Variants in CALN1 observed in about 807,000 individuals in gnomAD.
CALN1 encodes calcium-binding protein 8.
In CALN1, 17 loss-of-function variants were observed where a neutral mutation model predicts 30.6. The ratio of observed to expected loss-of-function variants is 0.56; its 90% CI spans 0.38 to 0.83. The LOEUF (loss-of-function observed/expected upper bound fraction) is 0.83, where lower values mean the gene tolerates loss of function less well. CALN1 is among the 40% of genes least tolerant of loss of function. The pLI is 0.00. For synonymous variants in CALN1, 156 were observed against 131.4 expected (o/e 1.19, Z -1.28); for missense variants, 291 against 354.9 (o/e 0.82, Z 1.45).
intron 2 of CALN1, among the ~76,000 whole-genome samples, chr7:72,299,685 TTATC>T (rs1208016639): frequency 6.6e-5 from 9 of 136,844 alleles, no homozygotes; most frequent in South Asian, 2.4e-4. Context: ...AAAGATGCTC[TTATC>T]TTTTTTTTTT....
intron 4 of CALN1, among the ~76,000 whole-genome samples, chr7:72,049,288 A>T (rs1273426673): frequency 6.6e-6 from 1 of 152,166 alleles, no homozygotes; most frequent in Non-Finnish European, 1.5e-5. Context: ...GAAACACAGA[A>T]ATTGGAGACT....
rs1199286367 is a variant in CALN1, at chr7:72,209,190, TTCCTTCCC to T, written c.244+69488_244+69495del. Among the ~76,000 whole-genome samples, 382 of 90,942 alleles carry T rather than the reference TTCCTTCCC, an allele frequency of 4.2e-3. 1 individual carries two copies. The highest frequency in any genetic ancestry group is 0.022 in the Middle Eastern group (4 of 184). 59.7% of individuals were successfully genotyped at this position (90,942 alleles called of 152,430 possible). ...ACTTCTTCCTTCCCTCCTTCCCTCT[TTCCTTCCC>T]TCCTTCCCTCCTTCCTTCCCTCCTT... is the stretch of plus-strand genomic sequence containing the variant. On this transcript the variant is annotated intron_variant, in intron 3 of 6. Transcript: ENST00000395275.
At chr7:72,179,473 A>G (rs1250405387) in intron 3 of CALN1, among the ~76,000 whole-genome samples, 2 of 152,178 alleles carry the variant, frequency 1.3e-5, no homozygotes, top group Admixed American at 1.3e-4. Context: ...AAAACCAGCA[A>G]GTTTTCTCTA....
rs375314989 is a variant in CALN1 at position 72,205,542 on chromosome 7, C to CAAAAAA, written c.244+73138_244+73143dup. On this transcript the variant is annotated intron_variant, in intron 3 of 6. Coordinates refer to ENST00000395275, the MANE Select transcript of CALN1 (RefSeq NM_031468.4). ...GTCAGAAGTATTTTTCTCCTGATTG[C>CAAAAAA]AAAAAAAAAATATATATATATATAT... Among the ~76,000 whole-genome samples, 117 of 53,098 alleles carry CAAAAAA rather than the reference C, an allele frequency of 2.2e-3. 4 individuals are homozygous for CAAAAAA. Among genetic ancestry groups the CAAAAAA allele is most frequent in the African/African-American group, 0.011 (110 of 9,816 alleles). The allele number at this position is 53,098 out of a possible 152,430, so 34.8% of individuals were successfully genotyped here.
intron 2 of CALN1, among the ~76,000 whole-genome samples, chr7:72,394,684 C>T (rs1297414902): frequency 7.1e-6 from 1 of 140,406 alleles, no homozygotes; most frequent in African/African-American, 2.7e-5. Context: ...TTTTTTGAGA[C>T]ACAGTCTCAC....
At chr7:72,236,729 G>A (rs868054650) in intron 3 of CALN1, among the ~76,000 whole-genome samples, 36 of 152,184 alleles carry the variant, frequency 2.4e-4, no homozygotes, top group African/African-American at 8.2e-4. Flanking sequence ...TTGGGAGGAG[G>A]AAATAAATGT....
chr7:71,810,200 C>A, intron 6 of CALN1, 136 bp downstream of exon 6: 1 of 849,072 alleles, frequency 1.2e-6, no homozygotes, highest in East Asian at 2.7e-5. Context: ...GATCTTTAAC[C>A]TCAGTCCTGG....
At chr7:72,251,204 T>A (rs1795530555) in intron 3 of CALN1, among the ~76,000 whole-genome samples, 1 of 152,140 alleles carries the variant, frequency 6.6e-6, no homozygotes, top group Non-Finnish European at 1.5e-5. Context: ...ACCTCTCACC[T>A]TCCACTCTGG....
At chr7:72,146,215 A>G (rs1786703887) in intron 3 of CALN1, among the ~76,000 whole-genome samples, 1 of 152,218 alleles carries the variant, frequency 6.6e-6, no homozygotes, top group African/African-American at 2.4e-5. Context: ...TTGTATATCT[A>G]GAAAACCCCA....
intron 2 of CALN1, among the ~76,000 whole-genome samples, chr7:72,345,378 A>T (rs1480535788): frequency 2.8e-5 from 4 of 142,782 alleles, no homozygotes; most frequent in Non-Finnish European, 6.0e-5. Context: ...GGAAGGAGAA[A>T]GAAAAAAGGA....
chr7:72,083,531 C>T (rs1805290273), intron 4 of CALN1, among the ~76,000 whole-genome samples: 1 of 152,026 alleles, frequency 6.6e-6, no homozygotes. Context: ...CTGCATCGAG[C>T]TATGATCATG....
At chr7:72,425,017 A>G in intron 1 of CALN1, among the ~76,000 whole-genome samples, 1 of 152,128 alleles carries the variant, frequency 6.6e-6, no homozygotes, top group East Asian at 1.9e-4. Flanking sequence ...ATCAATCCAC[A>G]GGCTCTAGGA....
intron 2 of CALN1, among the ~76,000 whole-genome samples, chr7:72,358,803 G>C (rs990133925): frequency 1.3e-5 from 2 of 151,918 alleles, no homozygotes; most frequent in Non-Finnish European, 2.9e-5. Context: ...ACAAAAATTA[G>C]CTGGGCATGG....
At chr7:72,012,271 A>G (rs561151755) in intron 5 of CALN1, among the ~76,000 whole-genome samples, 2 of 152,252 alleles carry the variant, frequency 1.3e-5, no homozygotes, top group Admixed American at 6.5e-5. Context: ...TAATCCCAGC[A>G]CTTTGGGAGG....
At chr7:72,084,444 C>T (rs1181917925) in intron 4 of CALN1, among the ~76,000 whole-genome samples, 2 of 150,618 alleles carry the variant, frequency 1.3e-5, no homozygotes, top group African/African-American at 4.9e-5. Context: ...CTGCAACCTG[C>T]GCCTCCCGGG....
Position 72,307,331 on chromosome 7 carries a change from T to G in CALN1, c.120-28521A>C, listed in dbSNP as rs1303558136. On this transcript the variant is annotated intron_variant, in intron 2 of 6. Coordinates refer to ENST00000395275, the MANE Select transcript of CALN1 (RefSeq NM_031468.4). The stretch of plus-strand genomic sequence containing the variant: ...TTGACAGCATGAGAATGTTTGGAAA[T>G]AAGACTACAGCACAGAGGACAAAGA... Among the ~76,000 whole-genome samples, 3 of 152,326 alleles carry G rather than the reference T, an allele frequency of 2.0e-5. No homozygotes were observed. The East Asian group carries it at 5.8e-4, about 29-fold the overall frequency.
intron 4 of CALN1, among the ~76,000 whole-genome samples, chr7:72,037,150 T>C (rs1339887671): frequency 1.0e-5 from 1 of 96,784 alleles, no homozygotes; most frequent in African/African-American, 4.6e-5. Flanking sequence ...TAAATATCTT[T>C]TCATAATTTT....
intron 3 of CALN1, among the ~76,000 whole-genome samples, chr7:72,265,172 G>A (rs1315113479): frequency 6.6e-6 from 1 of 152,142 alleles, no homozygotes; most frequent in Admixed American, 6.5e-5. Flanking sequence ...GGCAATACAG[G>A]TCTGGATGTA....
chr7:71,849,335 A>G (rs1790503650), intron 5 of CALN1, among the ~76,000 whole-genome samples: 1 of 151,860 alleles, frequency 6.6e-6, no homozygotes, highest in Non-Finnish European at 1.5e-5. Context: ...AGTCCATTCC[A>G]TTGATCTAGA....
Sources: allele counts gnomAD v4.1 joint callset (sites outside exome capture counted in the v4.1 genomes callset), GRCh38; gene constraint gnomAD v4.1.1; transcripts MANE v1.5; gene names NCBI Gene and HGNC (gene_info 2026-07-23, HGNC 2026-07-21).